Variants in LNX1 observed in about 807,000 individuals in gnomAD.
LNX1 encodes ligand of numb-protein X 1, also known as E3 ubiquitin-protein ligase LNX.
LNX1 carries 54 observed loss-of-function variants against 68.4 expected under a neutral mutation model. The observed-to-expected ratio is 0.79, with a 90% CI of 0.63 to 0.99. LNX1 has a LOEUF of 0.99. Ranked by LOEUF, LNX1 falls within the 50% of genes least tolerant of loss-of-function variation. LNX1 has a pLI of 0.00. For missense variants in LNX1, 906 were observed against 926.4 expected, an observed-to-expected ratio of 0.98 and a Z score of 0.29; for synonymous variants, 336 against 350.0, an observed-to-expected ratio of 0.96 and a Z score of 0.45.
intron 7 of LNX1, among the ~76,000 whole-genome samples, chr4:53,479,345 T>A (rs536058684): frequency 3.9e-5 from 6 of 152,384 alleles, no homozygotes; most frequent in Middle Eastern, 3.4e-3. Context: ...CCATATTTTA[T>A]AGAGTCTTCT....
At chr4:53,517,395 A>G (rs1235372513) in intron 2 of LNX1, among the ~76,000 whole-genome samples, 1 of 152,172 alleles carries the variant, frequency 6.6e-6, no homozygotes, top group East Asian at 1.9e-4. Context: ...CGCCTTCCAA[A>G]ACAGTTCCAC....
chr4:53,542,180 G>A (rs187366949), intron 2 of LNX1, among the ~76,000 whole-genome samples: 1 of 152,320 alleles, frequency 6.6e-6, no homozygotes, highest in African/African-American at 2.4e-5. Context: ...GCAATTGTCA[G>A]CTTGAAAAAT....
Position 53,507,432 on chromosome 4 carries a change from T to C in LNX1, c.660A>G (p.Ser220=), listed in dbSNP as rs199688504. 3 of 1,614,194 alleles carry C rather than the reference T, an allele frequency of 1.9e-6. No individual in the cohort carries two copies. The highest frequency in any genetic ancestry group is 1.6e-4 in the Middle Eastern group (1 of 6,062). ...PFERSTIRSR[S]FKKINRALSV... is the part of the protein sequence containing the mutation. ...TCAAAGCTCGATTTATTTTTTTAAA[T>C]GATCTGCTTCTAATAGTGGATCTCT... The change falls in exon 4 of 11, where the codon TCA becomes TCG. Residue 220 remains serine, a synonymous_variant. Transcript: ENST00000263925.
At chr4:53,608,716 C>T (rs1733328810) in intron 2 of LNX1, among the ~76,000 whole-genome samples, 2 of 152,022 alleles carry the variant, frequency 1.3e-5, no homozygotes, top group Non-Finnish European at 2.9e-5. Context: ...AACCTAAATG[C>T]CCATCAACGG....
intron 4 of LNX1, among the ~76,000 whole-genome samples, chr4:53,501,525 T>A (rs1027765052): frequency 3.9e-5 from 6 of 152,090 alleles, no homozygotes; most frequent in Admixed American, 1.3e-4. Flanking sequence ...GCTCAAGAGA[T>A]CCTCTCACTT....
At chr4:53,608,946 C>A (rs987538443) in intron 2 of LNX1, among the ~76,000 whole-genome samples, 5 of 152,082 alleles carry the variant, frequency 3.3e-5, no homozygotes, top group Non-Finnish European at 7.4e-5. Context: ...CAACAGACAT[C>A]AAGGCCTATG....
intron 2 of LNX1, among the ~76,000 whole-genome samples, chr4:53,566,857 T>A (rs982088019): frequency 6.6e-6 from 1 of 151,424 alleles, no homozygotes; most frequent in Non-Finnish European, 1.5e-5. Flanking sequence ...TCCTAGTCTC[T>A]GATAAAACAG....
rs73145476 is a variant in LNX1, at chr4:53,516,264, G to A, written c.381-8037C>T. On this transcript the variant is annotated intron_variant, in intron 2 of 10. Transcript: ENST00000263925. ...CTATCTCTTTTAAAAAAAGAATCAC[G>A]CAAAATGCCAAACAGTACCTGGAAT... Among the ~76,000 whole-genome samples, 463 of 152,054 alleles carry A rather than the reference G, an allele frequency of 3.0e-3. 1 individual carries two copies. The highest frequency in any genetic ancestry group is 7.5e-3 in the African/African-American group (311 of 41,460).
intron 1 of LNX1, among the ~76,000 whole-genome samples, chr4:53,644,566 A>G (rs1232892897): frequency 6.6e-6 from 1 of 152,224 alleles, no homozygotes; most frequent in Admixed American, 6.5e-5. Context: ...AATTTACACA[A>G]TGAAGTTTAT....
chr4:53,547,756 G>C (rs1729208205), intron 2 of LNX1, among the ~76,000 whole-genome samples: 1 of 152,184 alleles, frequency 6.6e-6, no homozygotes, highest in African/African-American at 2.4e-5. Flanking sequence ...AATTCCCAGA[G>C]ATGGCTTTAC....
intron 1 of LNX1, among the ~76,000 whole-genome samples, chr4:53,590,798 AAG>A (rs1054421105): frequency 2.6e-5 from 4 of 152,212 alleles, no homozygotes; most frequent in Admixed American, 2.6e-4. Flanking sequence ...TCGTATTTAA[AAG>A]AGTGTTCAAC....
rs557959532 is a variant in LNX1 at position 53,478,008 on chromosome 4, G to C, written c.1663+557C>G. ...TGAATGAATTGACAATATTATTAAG[G>C]ATACATATTTGTAGAGGCAAATTTG... On this transcript the variant is annotated intron_variant, in intron 8 of 10. Coordinates refer to ENST00000263925, the MANE Select transcript of LNX1 (RefSeq NM_001126328.3). Among the ~76,000 whole-genome samples the C allele has an allele frequency of 3.3e-5, 5 of 152,108 alleles. No homozygotes were observed. The East Asian group carries it at 9.7e-4, about 29-fold the overall frequency.
In LNX1 at chr4:53,478,645, T is replaced by C. The variant is rs1431672081; in HGVS notation, c.1583A>G (p.His528Arg). 2.5e-6 allele frequency: 4 copies of C among 1,614,164 alleles called. No homozygotes were observed. The South Asian group carries it at 3.3e-5, about 13-fold the overall frequency. Residue 528 changes from histidine (H) to arginine (R), a missense_variant, in exon 8 of 11, where the codon CAT becomes CGT. By Grantham distance (29) the His-to-Arg change is conservative. Transcript: ENST00000263925. ...ATAGATAGGCAAATCCCATTCTCTATGTGATGCTCCCCCTGCGACGGTCAT... is the reference window on the plus strand; with the variant it reads ...ATAGATAGGCAAATCCCATTCTCTACGTGATGCTCCCCCTGCGACGGTCAT... ...LGMTVAGGAS[H>R]REWDLPIYVI...
chr4:53,579,159 C>A (rs1051181417), intron 1 of LNX1: 14 of 514,434 alleles, frequency 2.7e-5, no homozygotes, highest in Non-Finnish European at 3.3e-5. Flanking sequence ...GCATCTCTGG[C>A]CCTAACTGAA....
intron 2 of LNX1, among the ~76,000 whole-genome samples, chr4:53,531,444 C>T (rs373088390): frequency 2.0e-5 from 3 of 152,334 alleles, no homozygotes; most frequent in Admixed American, 6.5e-5. Flanking sequence ...TCTTGAAATT[C>T]GATGGCTCAG....
chr4:53,498,581 G>T, intron 5 of LNX1, 60 bp downstream of exon 5: 2 of 1,253,002 alleles, frequency 1.6e-6, no homozygotes, highest in South Asian at 2.4e-5. Context: ...CCAATTGTTT[G>T]CTCAGAAGCA....
chr4:53,601,569 C>G (rs114817610), intron 2 of LNX1, among the ~76,000 whole-genome samples: 3 of 152,332 alleles, frequency 2.0e-5, no homozygotes, highest in African/African-American at 7.2e-5. Context: ...GTGACAACTG[C>G]GTGAGCCTGG....
At chr4:53,602,874 G>A (rs1415236781) in intron 2 of LNX1, 1 of 152,100 alleles carries the variant, frequency 6.6e-6, no homozygotes, top group Non-Finnish European at 1.5e-5. Flanking sequence ...AAATTTCAAA[G>A]CCTTGAAAAA....
chr4:53,467,030 C>G (rs531036114), intron 9 of LNX1, among the ~76,000 whole-genome samples: 1 of 152,164 alleles, frequency 6.6e-6, no homozygotes, highest in South Asian at 2.1e-4. Context: ...GATCTGAGAA[C>G]GGGCAGACTG....
Sources: gnomAD v4.1 joint callset for allele counts (sites outside exome capture counted in the v4.1 genomes callset) on GRCh38, gnomAD v4.1.1 for gene constraint, MANE v1.5 for transcripts, NCBI Gene and HGNC (gene_info 2026-07-23, HGNC 2026-07-21) for gene names.